The following ARID4A variants were observed in gnomAD, a reference collection of about 807,000 sequenced individuals.
ARID4A encodes the protein AT-rich interactive domain-containing protein 4A.
A neutral mutation model predicts 148.6 loss-of-function variants in ARID4A; 39 were observed. The observed-to-expected ratio is 0.26, with a 90% CI of 0.20 to 0.34. ARID4A has a LOEUF of 0.34. ARID4A is among the 10% of genes least tolerant of loss of function. The pLI is 1.00. For missense variants in ARID4A, 1,265 were observed against 1,449.1 expected, an observed-to-expected ratio of 0.87 and a Z score of 2.06; for synonymous variants, 475 against 481.2, an observed-to-expected ratio of 0.99 and a Z score of 0.17.
intron 15 of ARID4A, among the ~76,000 whole-genome samples, chr14:58,350,677 TTTA>T (rs2034596893): frequency 6.6e-6 from 1 of 152,250 alleles, no homozygotes; most frequent in African/African-American, 2.4e-5. Context: ...GGGGATTGGT[TTTA>T]TTATTGTTAC....
chr14:58,299,894 C>T (rs973670981), intron 2 of ARID4A, 34 bp downstream of exon 2: 10 of 1,613,894 alleles, frequency 6.2e-6, no homozygotes, highest in Non-Finnish European at 5.9e-6. Context: ...GATCCTCGCG[C>T]CCTGAACACT....
chr14:58,319,916 CCT>C (rs2032744742), intron 7 of ARID4A, among the ~76,000 whole-genome samples: 1 of 148,534 alleles, frequency 6.7e-6, no homozygotes, highest in Non-Finnish European at 1.5e-5. Context: ...TTTACGATTC[CCT>C]CTCTATATAT....
At chr14:58,325,344 T>G (rs2033152059) in intron 8 of ARID4A, among the ~76,000 whole-genome samples, 1 of 152,154 alleles carries the variant, frequency 6.6e-6, no homozygotes, top group Non-Finnish European at 1.5e-5. Flanking sequence ...TGCAGTGGTG[T>G]GATCACGGCT....
intron 5 of ARID4A, among the ~76,000 whole-genome samples, chr14:58,317,431 C>A (rs2032517929): frequency 6.7e-6 from 1 of 148,484 alleles, no homozygotes; most frequent in Non-Finnish European, 1.5e-5. Context: ...ACTACAGGCG[C>A]CCGCCACCAC....
chr14:58,299,706 C>G, intron 1 of ARID4A, 92 bp from the exon 2 acceptor site: 1 of 1,108,552 alleles, frequency 9.0e-7, no homozygotes, highest in Non-Finnish European at 1.3e-6. Flanking sequence ...GGATTCTGCC[C>G]CTCCCCGCTG....
At chr14:58,360,719 T>G (rs2035096696) in intron 18 of ARID4A, among the ~76,000 whole-genome samples, 182 bp from the exon 19 acceptor site, 1 of 152,250 alleles carries the variant, frequency 6.6e-6, no homozygotes, top group African/African-American at 2.4e-5. Context: ...CTAATGTTAA[T>G]AAGTTCTGAT....
At chr14:58,330,286 A>G (rs1359782336) in intron 11 of ARID4A, 117 bp downstream of exon 11, 7 of 1,402,366 alleles carry the variant, frequency 5.0e-6, no homozygotes, top group Non-Finnish European at 6.6e-6. Context: ...GTCCGTTTCT[A>G]GCATTGCTTA....
chr14:58,354,383 T>C (rs1204143952), intron 17 of ARID4A, among the ~76,000 whole-genome samples: 1 of 152,110 alleles, frequency 6.6e-6, no homozygotes, highest in African/African-American at 2.4e-5. Flanking sequence ...TAGATGATTT[T>C]GGGGAGGGTT....
At chr14:58,349,494 A>C (rs12878359) in intron 15 of ARID4A, among the ~76,000 whole-genome samples, 79,369 of 150,888 alleles carry the variant, frequency 0.53, 21,456 homozygotes, top group Middle Eastern at 0.69. Flanking sequence ...AAAATACAAA[A>C]AAAAAAAAAA....
chr14:58,326,829 G>A (rs2033241296), intron 8 of ARID4A, among the ~76,000 whole-genome samples: 1 of 152,176 alleles, frequency 6.6e-6, no homozygotes, highest in African/African-American at 2.4e-5. Flanking sequence ...CAGGTTAGGT[G>A]AAATCTTCCT....
intron 16 of ARID4A, 152 bp from the exon 17 acceptor site, chr14:58,353,506 A>G: frequency 1.5e-6 from 1 of 652,806 alleles, no homozygotes; most frequent in Non-Finnish European, 2.6e-6. Flanking sequence ...GGCCACAGAA[A>G]TCTTCTCCTT....
At chr14:58,316,335 G>A (rs3945957) in intron 5 of ARID4A, among the ~76,000 whole-genome samples, 110,291 of 152,002 alleles carry the variant, frequency 0.73, 40,529 homozygotes, top group Middle Eastern at 0.87. Context: ...GATGTTAAGT[G>A]TCTGAAGTAA....
At chr14:58,361,733 G>A (rs1040197249) in intron 19 of ARID4A, among the ~76,000 whole-genome samples, 15 of 152,092 alleles carry the variant, frequency 9.9e-5, no homozygotes, top group Non-Finnish European at 1.5e-5. Flanking sequence ...ACTAGCTTGG[G>A]GTTGCTGAAG....
Position 58,362,482 on chromosome 14 carries a change from C to T in ARID4A, c.2080+1440C>T, listed in dbSNP as rs549834084. 4.0e-3 allele frequency among the ~76,000 whole-genome samples: 613 copies of T among 151,818 alleles called. 4 individuals carry two copies. Among genetic ancestry groups the T allele is most frequent in the Middle Eastern group, 0.01 (3 of 292 alleles). ...GTGTGCACCTGTGGTCCCAGCTACTCAGGAGGCTGAGGTGGGAGGATTGCT... is the reference window on the plus strand; with the variant it reads ...GTGTGCACCTGTGGTCCCAGCTACTTAGGAGGCTGAGGTGGGAGGATTGCT... On this transcript the variant is annotated intron_variant, in intron 19 of 23. Transcript: ENST00000355431.
At chr14:58,342,420 C>A (rs1002611014) in intron 11 of ARID4A, among the ~76,000 whole-genome samples, 1 of 152,096 alleles carries the variant, frequency 6.6e-6, no homozygotes, top group East Asian at 1.9e-4. Context: ...AAAAAATACA[C>A]ATAAATCAAA....
At chr14:58,363,842 C>G (rs1482654177) in intron 19 of ARID4A, among the ~76,000 whole-genome samples, 1 of 152,132 alleles carries the variant, frequency 6.6e-6, no homozygotes, top group East Asian at 1.9e-4. Flanking sequence ...AACTTCATGT[C>G]TAGGATGTCT....
In ARID4A at chr14:58,366,778, AC is replaced by A. The variant is rs550714304; in HGVS notation, c.3524-104del. 2.3e-3 allele frequency: 2,068 copies of A among 895,898 alleles called. 3 individuals carry two copies. Among genetic ancestry groups the A allele is most frequent in the Middle Eastern group, 5.1e-3 (14 of 2,732 alleles). The allele number at this position is 895,898 out of a possible 1,614,324, so 55.5% of individuals were successfully genotyped here. On this transcript the variant is annotated intron_variant, in intron 22 of 23. Transcript: ENST00000355431. ...AGCTTACTGTAGGAGATTTTAATAA[AC>A]TAAAGCTTTTGTTGATTTATGAGTT...
At chr14:58,359,544 A>G (rs1469408409) in intron 18 of ARID4A, among the ~76,000 whole-genome samples, 2 of 152,124 alleles carry the variant, frequency 1.3e-5, no homozygotes, top group African/African-American at 2.4e-5. Flanking sequence ...ATCCATCACT[A>G]TAGTATCATA....
chr14:58,324,192 C>T lies in ARID4A; in HGVS notation c.582+575C>T, dbSNP rs927728274. 4.6e-5 allele frequency among the ~76,000 whole-genome samples: 7 copies of T among 152,260 alleles called. No homozygotes were observed. The East Asian group carries it at 1.2e-3, about 25-fold the overall frequency. On this transcript the variant is annotated intron_variant, in intron 8 of 23. Transcript: ENST00000355431. ...TTCTGAGATTATAGGCGTGAGCCAC[C>T]GCGCCTGGCCTTAACTTGATTCTTG...
Sources: gnomAD v4.1 joint callset for allele counts (sites outside exome capture counted in the v4.1 genomes callset) on GRCh38, gnomAD v4.1.1 for gene constraint, MANE v1.5 for transcripts, NCBI Gene and HGNC (gene_info 2026-07-23, HGNC 2026-07-21) for gene names.